Variants in ESRRG observed in about 807,000 individuals in gnomAD.
The protein encoded by ESRRG is estrogen-related receptor gamma.
ESRRG carries 13 observed loss-of-function variants against 44.0 expected under a neutral mutation model. That is an observed-to-expected ratio of 0.30 (90% CI 0.19 to 0.47). The LOEUF is 0.47. Ranked by LOEUF, ESRRG falls within the 20% of genes least tolerant of loss-of-function variation. ESRRG has a pLI of 1.00. For synonymous variants in ESRRG, 215 were observed against 214.6 expected, an observed-to-expected ratio of 1.00 and a Z score of -0.02; for missense variants, 395 against 580.6, an observed-to-expected ratio of 0.68 and a Z score of 3.29.
At chr1:216,562,060 C>G (rs1471330547) in intron 5 of ESRRG, among the ~76,000 whole-genome samples, 3 of 152,170 alleles carry the variant, frequency 2.0e-5, no homozygotes. Flanking sequence ...CACAGTCGGA[C>G]CTACATATTT....
intron 1 of ESRRG, among the ~76,000 whole-genome samples, chr1:217,137,148 A>G (rs2093061008): frequency 6.6e-6 from 1 of 152,104 alleles, no homozygotes; most frequent in Non-Finnish European, 1.5e-5. Flanking sequence ...AGTACACTAC[A>G]CAAGAGGTCA....
intron 2 of ESRRG, among the ~76,000 whole-genome samples, chr1:216,843,179 C>CA (rs1331305616): frequency 4.0e-5 from 6 of 151,588 alleles, no homozygotes; most frequent in Non-Finnish European, 7.4e-5. Flanking sequence ...CTTTACAATA[C>CA]TGTCCCAAGA....
At chr1:216,841,035 C>T (rs1433567362) in intron 2 of ESRRG, among the ~76,000 whole-genome samples, 3 of 152,140 alleles carry the variant, frequency 2.0e-5, no homozygotes, top group Non-Finnish European at 4.4e-5. Flanking sequence ...CAAAGGGCTG[C>T]CACAAACTTT....
At chr1:217,030,534 C>CT (rs1218646832) in intron 1 of ESRRG, among the ~76,000 whole-genome samples, 1 of 152,178 alleles carries the variant, frequency 6.6e-6, no homozygotes, top group African/African-American at 2.4e-5. Context: ...GAGCATACCG[C>CT]TTAGCCTTTC....
At chr1:216,752,345 T>C (rs1559508444) in intron 2 of ESRRG, among the ~76,000 whole-genome samples, 1 of 152,086 alleles carries the variant, frequency 6.6e-6, no homozygotes, top group Non-Finnish European at 1.5e-5. Context: ...TACGGGTGCA[T>C]GTGACAGGAG....
chr1:217,059,277 C>A (rs1213334502), intron 1 of ESRRG, among the ~76,000 whole-genome samples: 2 of 151,230 alleles, frequency 1.3e-5, no homozygotes, highest in Non-Finnish European at 2.9e-5. Context: ...ATAAAGTAAG[C>A]TATAGTGTAA....
intron 2 of ESRRG, among the ~76,000 whole-genome samples, chr1:216,766,923 A>G (rs534890861): frequency 6.6e-6 from 1 of 152,286 alleles, no homozygotes; most frequent in Non-Finnish European, 1.5e-5. Flanking sequence ...TGTGGTTATT[A>G]CATAATCTTT....
At chr1:216,813,604 G>A (rs2095042800) in intron 2 of ESRRG, among the ~76,000 whole-genome samples, 1 of 152,114 alleles carries the variant, frequency 6.6e-6, no homozygotes, top group Admixed American at 6.5e-5. Flanking sequence ...TTGACCAATG[G>A]TGAGCAATGT....
At chr1:217,136,180 CA>C (rs1447374830) in intron 1 of ESRRG, among the ~76,000 whole-genome samples, 4 of 152,214 alleles carry the variant, frequency 2.6e-5, no homozygotes, top group Non-Finnish European at 5.9e-5. Context: ...CTGTTGAAGA[CA>C]GGGGGCGGAG....
chr1:217,053,804 A>T (rs1036032580), intron 1 of ESRRG, among the ~76,000 whole-genome samples: 1 of 152,016 alleles, frequency 6.6e-6, no homozygotes. Context: ...GGTTATTATC[A>T]CCAGACATGG....
intron 1 of ESRRG, among the ~76,000 whole-genome samples, chr1:217,113,727 C>T (rs1052418600): frequency 3.3e-5 from 5 of 152,164 alleles, no homozygotes; most frequent in Admixed American, 6.6e-5. Flanking sequence ...CAGTGGCTTA[C>T]ACCTGTAATC....
intron 5 of ESRRG, among the ~76,000 whole-genome samples, chr1:216,561,285 T>C (rs2058688955): frequency 6.6e-6 from 1 of 152,118 alleles, no homozygotes; most frequent in Admixed American, 6.6e-5. Flanking sequence ...TAAAAACATA[T>C]ATGTACGTGT....
chr1:216,542,006 A>G (rs138839681), intron 5 of ESRRG, among the ~76,000 whole-genome samples: 22 of 150,984 alleles, frequency 1.5e-4, no homozygotes, highest in Non-Finnish European at 3.1e-4. Context: ...CCTAAGATGT[A>G]TTCTTTGGTA....
At chr1:216,635,210 A>G (rs1248336140) in intron 3 of ESRRG, among the ~76,000 whole-genome samples, 1 of 152,172 alleles carries the variant, frequency 6.6e-6, no homozygotes, top group African/African-American at 2.4e-5. Context: ...GGGGAAGGAG[A>G]AAGAGCAGAG....
At chr1:216,779,243 A>G (rs1277488381) in intron 2 of ESRRG, among the ~76,000 whole-genome samples, 1 of 66,648 alleles carries the variant, frequency 1.5e-5, no homozygotes, top group Non-Finnish European at 2.3e-5. Flanking sequence ...ATAAATATAT[A>G]TTTATATTTA....
intron 2 of ESRRG, among the ~76,000 whole-genome samples, chr1:216,658,769 G>T (rs919032975): frequency 6.6e-6 from 1 of 151,906 alleles, no homozygotes; most frequent in African/African-American, 2.4e-5. Flanking sequence ...GAAGGCGGAG[G>T]TTGGAGTGAG....
At chr1:216,668,239 A>G (rs10863263) in intron 2 of ESRRG, among the ~76,000 whole-genome samples, 107,600 of 152,146 alleles carry the variant, frequency 0.71, 40,124 homozygotes, top group Non-Finnish European at 0.82. Flanking sequence ...TGCTAGGAAA[A>G]TTAATTTTGT....
At chr1:216,892,030 C>T (rs968386250) in intron 2 of ESRRG, among the ~76,000 whole-genome samples, 1 of 152,094 alleles carries the variant, frequency 6.6e-6, no homozygotes, top group African/African-American at 2.4e-5. Context: ...TGGTCTCGAA[C>T]TCCTGACCTT....
intron 2 of ESRRG, among the ~76,000 whole-genome samples, chr1:216,754,610 G>A (rs1432107468): frequency 1.3e-5 from 2 of 151,700 alleles, no homozygotes; most frequent in Non-Finnish European, 2.9e-5. Context: ...TCATTCAGCC[G>A]CCGGGCTCTA....
Sources: gnomAD v4.1 joint callset for allele counts (sites outside exome capture counted in the v4.1 genomes callset) on GRCh38, gnomAD v4.1.1 for gene constraint, MANE v1.5 for transcripts, NCBI Gene and HGNC (gene_info 2026-07-23, HGNC 2026-07-21) for gene names.